Variants in NR3C2 observed in about 807,000 individuals in gnomAD.
NR3C2 encodes nuclear receptor subfamily 3 group C member 2.
Under a neutral mutation model 86.4 loss-of-function variants are expected in NR3C2, and 15 were observed. The ratio of observed to expected loss-of-function variants is 0.17; its 90% CI spans 0.12 to 0.27. The LOEUF (loss-of-function observed/expected upper bound fraction) is 0.27. Ranked by LOEUF, NR3C2 falls within the 10% of genes least tolerant of loss-of-function variation. The probability of loss-of-function intolerance (pLI) is 1.00; values close to 1 mark genes in which losing one functional copy is unlikely to be tolerated. For synonymous variants in NR3C2, 458 were observed against 450.5 expected (o/e 1.02, Z -0.21); for missense variants, 960 against 1,195.6 (o/e 0.80, Z 2.91).
chr4:148,278,763 C>T (rs1741088147), intron 2 of NR3C2, among the ~76,000 whole-genome samples: 1 of 152,064 alleles, frequency 6.6e-6, no homozygotes, highest in African/African-American at 2.4e-5. Context: ...CACACATATA[C>T]CCACATTCGT....
At chr4:148,114,064 C>T in intron 8 of NR3C2, 40 bp downstream of exon 8, 3 of 1,610,036 alleles carry the variant, frequency 1.9e-6, no homozygotes, top group Non-Finnish European at 2.5e-6. Flanking sequence ...TATGTGGTTG[C>T]TGATCCTTCA....
intron 2 of NR3C2, among the ~76,000 whole-genome samples, chr4:148,394,132 G>C (rs1167184942): frequency 2.0e-5 from 3 of 152,074 alleles, no homozygotes; most frequent in Admixed American, 1.3e-4. Context: ...CCCAGCACTG[G>C]GGCCCCCACC....
intron 2 of NR3C2, among the ~76,000 whole-genome samples, chr4:148,433,884 C>T (rs1407990907): frequency 6.6e-6 from 1 of 152,138 alleles, no homozygotes; most frequent in Non-Finnish European, 1.5e-5. Context: ...TAAGAGACAG[C>T]ATCAGAATAT....
At chr4:148,342,073 G>A (rs981873874) in intron 2 of NR3C2, among the ~76,000 whole-genome samples, 12 of 152,048 alleles carry the variant, frequency 7.9e-5, no homozygotes, top group South Asian at 2.1e-4. Context: ...GCAACCAGCC[G>A]GGGGGATGAG....
intron 6 of NR3C2, among the ~76,000 whole-genome samples, chr4:148,149,066 T>C (rs1361378335): frequency 6.6e-6 from 1 of 152,210 alleles, no homozygotes; most frequent in Non-Finnish European, 1.5e-5. Flanking sequence ...AAAGGCTTTA[T>C]ATAATTTCCA....
At chr4:148,444,271 GC>G, upstream of NR3C2, 1 of 985,398 alleles carries the variant, frequency 1.0e-6, no homozygotes, top group Non-Finnish European at 1.2e-6. Context: ...GGCCGGTCTT[GC>G]CCTGGATCTC....
chr4:148,096,074 C>T (rs546039345), intron 8 of NR3C2, among the ~76,000 whole-genome samples: 33 of 152,248 alleles, frequency 2.2e-4, no homozygotes, highest in Non-Finnish European at 4.4e-4. Context: ...TTAATTTCCA[C>T]CTTAACGTTT....
chr4:148,154,197 CG>C (rs1326215140), intron 5 of NR3C2, among the ~76,000 whole-genome samples: 1 of 151,826 alleles, frequency 6.6e-6, no homozygotes, highest in Non-Finnish European at 1.5e-5. Context: ...TTAGTAGAAA[CG>C]GGGTTTCACC....
chr4:148,221,656 G>A (rs987101311), intron 3 of NR3C2, among the ~76,000 whole-genome samples: 2 of 152,140 alleles, frequency 1.3e-5, no homozygotes, highest in African/African-American at 4.8e-5. Flanking sequence ...ACTTTGGGAG[G>A]CCGAGGCAGG....
Position 148,401,242 on chromosome 4 carries a change from T to C in NR3C2, c.1757+33862A>G, listed in dbSNP as rs187825903. Among the ~76,000 whole-genome samples, 458 of 152,326 alleles carry C rather than the reference T, an allele frequency of 3.0e-3. 3 individuals are homozygous for C. The highest frequency in any genetic ancestry group is 4.7e-3 in the Non-Finnish European group (318 of 68,034). The stretch of plus-strand genomic sequence containing the variant: ...TCTACTATGTGGAATCATCCTCACA[T>C]GGTGCTTACCATCTGATGCGGAAGC... On this transcript the variant is annotated intron_variant, in intron 2 of 8. Coordinates refer to ENST00000358102, the MANE Select transcript of NR3C2 (RefSeq NM_000901.5).
chr4:148,370,544 G>A (rs749750768), intron 2 of NR3C2, among the ~76,000 whole-genome samples: 5 of 152,080 alleles, frequency 3.3e-5, no homozygotes, highest in Admixed American at 1.3e-4. Flanking sequence ...GTCTACATAT[G>A]AAAGAAACAG....
chr4:148,444,196 C>T, upstream of NR3C2: 1 of 985,180 alleles, frequency 1.0e-6, no homozygotes, highest in Non-Finnish European at 1.2e-6. Flanking sequence ...CAAGCGTTGC[C>T]GAATTATTCA....
intron 3 of NR3C2, among the ~76,000 whole-genome samples, chr4:148,214,950 G>A (rs1228775269): frequency 6.6e-6 from 1 of 152,214 alleles, no homozygotes; most frequent in African/African-American, 2.4e-5. Context: ...GAAAGGACAA[G>A]AGCACCCAGG....
At chr4:148,170,516 A>AT (rs1225979271) in intron 4 of NR3C2, among the ~76,000 whole-genome samples, 3 of 152,052 alleles carry the variant, frequency 2.0e-5, no homozygotes, top group Admixed American at 2.0e-4. Context: ...TTGAAAAAAA[A>AT]TTTTTTTTGA....
chr4:148,171,169 C>A (rs888446207), intron 4 of NR3C2, among the ~76,000 whole-genome samples: 2 of 152,216 alleles, frequency 1.3e-5, no homozygotes, highest in African/African-American at 2.4e-5. Flanking sequence ...CCCCAAGCGT[C>A]GACTTCCTGC....
In NR3C2 at chr4:148,081,510, GAC is replaced by G; in HGVS notation, c.2800-13_2800-12del. 1 of 1,613,238 alleles carries G rather than the reference GAC, an allele frequency of 6.2e-7. No homozygotes were observed. The highest frequency in any genetic ancestry group is 1.3e-5 in the African/African-American group (1 of 75,018). ...CAGGTCGCTCACCAGCTGTAACACA[GAC>G]ACAGGGGGCATGACACGGGGGCCTC... is the stretch of plus-strand genomic sequence containing the variant. On this transcript the variant is annotated splice_polypyrimidine_tract_variant and intron_variant, in intron 8 of 8. Transcript: ENST00000358102.
At chr4:148,249,602 A>G (rs1310425999) in intron 3 of NR3C2, among the ~76,000 whole-genome samples, 1 of 152,228 alleles carries the variant, frequency 6.6e-6, no homozygotes, top group Non-Finnish European at 1.5e-5. Flanking sequence ...TGATTTAATG[A>G]AGCTAAAGGC....
rs115129000 is a variant in NR3C2 at position 148,192,677 on chromosome 4, C to T, written c.2014+2069G>A. On this transcript the variant is annotated intron_variant, in intron 4 of 8. Coordinates refer to ENST00000358102, the MANE Select transcript of NR3C2 (RefSeq NM_000901.5). ...CTGTGGCTGCTGTGGGGGGTGGGGT[C>T]GAGATTCCCAGTTCACTGGAGTTGT... 2.7e-3 allele frequency among the ~76,000 whole-genome samples: 414 copies of T among 151,714 alleles called. 1 individual carries two copies. The highest frequency in any genetic ancestry group is 9.4e-3 in the African/African-American group (389 of 41,348).
chr4:148,190,929 C>A (rs527988759), intron 4 of NR3C2, among the ~76,000 whole-genome samples: 1 of 152,244 alleles, frequency 6.6e-6, no homozygotes, highest in Non-Finnish European at 1.5e-5. Flanking sequence ...ATACATTCTG[C>A]GGTTCTGTAT....
Sources: allele counts gnomAD v4.1 joint callset (sites outside exome capture counted in the v4.1 genomes callset), GRCh38; gene constraint gnomAD v4.1.1; transcripts MANE v1.5; gene names NCBI Gene and HGNC (gene_info 2026-07-23, HGNC 2026-07-21).